The following FOXE1 variants were observed in gnomAD, a reference collection of about 807,000 sequenced individuals.
The protein encoded by FOXE1 is forkhead box E1, also known as forkhead box protein E1.
FOXE1 carries 4 observed loss-of-function variants against 2.1 expected under a neutral mutation model. The ratio of observed to expected loss-of-function variants is 1.91; its 90% CI spans 0.94 to 4.37. FOXE1 has a LOEUF of 4.37. Ranked by LOEUF, FOXE1 falls within the 30% of genes most tolerant of loss-of-function variation. The pLI is 0.01. For missense variants in FOXE1, 574 were observed against 583.3 expected, an observed-to-expected ratio of 0.98 and a Z score of 0.16; for synonymous variants, 277 against 272.4, an observed-to-expected ratio of 1.02 and a Z score of -0.17.
At position 97,853,862 on chromosome 9, in the gene FOXE1, G is replaced by A; in HGVS notation, c.-53G>A. On this transcript the variant is annotated 5_prime_UTR_variant, in exon 1 of 1. Coordinates refer to ENST00000375123, the MANE Select transcript of FOXE1 (RefSeq NM_004473.4). ...TTCCGGGGACGCCAGGCCCGCCCCC[G>A]CCCCCCGACAGCCGCGGGGATCCAG... The A allele has an allele frequency of 8.1e-7, 1 of 1,234,330 alleles. No individual in the cohort carries two copies. The highest frequency in any genetic ancestry group is 1.0e-6 in the Non-Finnish European group (1 of 989,056). 76.5% of individuals were successfully genotyped at this position (1,234,330 alleles called of 1,614,324 possible).
chr9:97,853,880 G>T lies in FOXE1; in HGVS notation c.-35G>T. ...CGCCCCCGCCCCCCGACAGCCGCGGGGATCCAGAGCCCGGGGGTGCGGGAC... is the reference window on the plus strand; with the variant it reads ...CGCCCCCGCCCCCCGACAGCCGCGGTGATCCAGAGCCCGGGGGTGCGGGAC... On this transcript the variant is annotated 5_prime_UTR_variant, in exon 1 of 1. Transcript: ENST00000375123. The T allele has an allele frequency of 2.4e-6, 3 of 1,256,156 alleles. No homozygotes were observed. The highest frequency in any genetic ancestry group is 3.0e-6 in the Non-Finnish European group (3 of 1,005,208). 77.8% of individuals were successfully genotyped at this position (1,256,156 alleles called of 1,614,324 possible). A position where few individuals can be genotyped will look rare whatever the true frequency, so the allele number is the denominator to read the frequency against.
In FOXE1 at chr9:97,854,720, C is replaced by T; in HGVS notation, c.806C>T (p.Ala269Val). 1 of 1,412,880 alleles carries T rather than the reference C, an allele frequency of 7.1e-7. No individual in the cohort carries two copies. Among genetic ancestry groups the T allele is most frequent in the Non-Finnish European group, 9.1e-7 (1 of 1,095,458 alleles). 87.5% of individuals were successfully genotyped at this position (1,412,880 alleles called of 1,614,324 possible). The stretch of plus-strand genomic sequence containing the variant: ...TACCAGCCCGCAGGCTGCACCGGGG[C>T]CCGGCCGGCCAACCCCTCCGCCTAT... ...TGYQPAGCTG[A>V]RPANPSAYAA... is the part of the protein sequence containing the mutation. Residue 269 changes from alanine to valine, a missense_variant, in exon 1 of 1, where the codon GCC becomes GTC. By Grantham distance (64) the Ala-to-Val change is moderately conservative. This residue lies in a region of FOXE1 where 316 missense variants were observed against 288.4 expected (regional missense o/e 1.10). Coordinates refer to ENST00000375123, the MANE Select transcript of FOXE1 (RefSeq NM_004473.4).
In FOXE1 at chr9:97,854,819, G is replaced by C; in HGVS notation, c.905G>C (p.Arg302Pro). Reference protein sequence around the residue: ...AGSAIFAAAGRLAGPASPPAG... With the variant: ...AGSAIFAAAGPLAGPASPPAG... The stretch of plus-strand genomic sequence containing the variant: ...AGTGCGATCTTTGCCGCTGCTGGCC[G>C]CCTGGCGGGACCCGCTTCGCCCCCA... Residue 302 changes from arginine (R) to proline (P), a missense_variant, in exon 1 of 1, where the codon CGC becomes CCC. By Grantham distance (103) the Arg-to-Pro change is moderately radical. Around this residue, in one of 3 missense-constraint regions of FOXE1, gnomAD observed 316 missense variants for 288.4 expected, o/e 1.10. Transcript: ENST00000375123. 6.5e-7 allele frequency: 1 copy of C among 1,535,424 alleles called. No individual in the cohort carries two copies. The highest frequency in any genetic ancestry group is 2.4e-5 in the East Asian group (1 of 41,184).
Position 97,855,149 on chromosome 9 carries a change from C to A in FOXE1, c.*113C>A. The A allele has an allele frequency of 7.4e-7, 1 of 1,359,204 alleles. No homozygotes were observed. Among genetic ancestry groups the A allele is most frequent in the Non-Finnish European group, 1.0e-6 (1 of 972,360 alleles). The allele number at this position is 1,359,204 out of a possible 1,614,324, so 84.2% of individuals were successfully genotyped here. A position where few individuals can be genotyped will look rare whatever the true frequency, so the allele number is the denominator to read the frequency against. ...CAACTGGGACCCACGTGGAAAAGAC[C>A]GAGCAGGCCACAGAGGCTCGGTCTC... On this transcript the variant is annotated 3_prime_UTR_variant, in exon 1 of 1. Transcript: ENST00000375123.
At position 97,856,695 on chromosome 9, in the gene FOXE1, T is replaced by A. The variant is rs554349003; in HGVS notation, c.*1659T>A. ...AATTTTAAATATTCTAGTAGCCACA[T>A]TAATAAAGTAAAAAGAAACAGGTGA... On this transcript the variant is annotated 3_prime_UTR_variant, in exon 1 of 1. Transcript: ENST00000375123. The A allele has an allele frequency of 1.2e-5, 2 of 166,126 alleles. No individual in the cohort carries two copies. The highest frequency in any genetic ancestry group is 2.9e-5 in the Non-Finnish European group (2 of 68,106). The allele number at this position is 166,126 out of a possible 1,614,324, so 10.3% of individuals were successfully genotyped here.
chr9:97,853,731 A>T lies in FOXE1; in HGVS notation c.-184A>T. The T allele has an allele frequency of 2.3e-6, 1 of 430,526 alleles. No homozygotes were observed. Among genetic ancestry groups the T allele is most frequent in the Non-Finnish European group, 3.8e-6 (1 of 264,212 alleles). 26.7% of individuals were successfully genotyped at this position (430,526 alleles called of 1,614,324 possible). On this transcript the variant is annotated 5_prime_UTR_variant, in exon 1 of 1. Coordinates refer to ENST00000375123, the MANE Select transcript of FOXE1 (RefSeq NM_004473.4). ...CCTCTGTCTGCACCGCGCCAGCCCC[A>T]GACCACGGACGCTGAGCCTCCAGCG...
At position 97,854,747 on chromosome 9, in the gene FOXE1, C is replaced by T. The variant is rs1369368312; in HGVS notation, c.833C>T (p.Ala278Val). The T allele has an allele frequency of 2.0e-6, 3 of 1,473,036 alleles. No individual in the cohort carries two copies. The highest frequency in any genetic ancestry group is 2.4e-5 in the Admixed American group (1 of 41,060). The allele number at this position is 1,473,036 out of a possible 1,614,324, so 91.2% of individuals were successfully genotyped here. ...CGGCCGGCCAACCCCTCCGCCTATG[C>T]GGCTGCCTACGCGGGCCCCGACGGC... ...GARPANPSAY[A>V]AAYAGPDGAY... The change falls in exon 1 of 1, where the codon GCG becomes GTG. Residue 278 changes from alanine (A) to valine (V), a missense_variant. By Grantham distance (64) the Ala-to-Val change is moderately conservative (BLOSUM62 0). Transcript: ENST00000375123.
Position 97,854,780 on chromosome 9 carries a change from C to G in FOXE1, c.866C>G (p.Pro289Arg), listed in dbSNP as rs1324051960. ...TACGCGGGCCCCGACGGCGCGTACC[C>G]GCAGGGCGCCGGCAGTGCGATCTTT... ...AAYAGPDGAY[P>R]QGAGSAIFAA... Residue 289 changes from proline (P) to arginine (R), a missense_variant, in exon 1 of 1, where the codon CCG (proline) becomes CGG (arginine). Pro to Arg is a moderately radical substitution (Grantham distance 103). Coordinates refer to ENST00000375123, the MANE Select transcript of FOXE1 (RefSeq NM_004473.4). 5.9e-6 allele frequency: 9 copies of G among 1,515,920 alleles called. No homozygotes were observed. In the Admixed American group the frequency reaches 8.3e-5, roughly 14 times the overall value. 93.9% of individuals were successfully genotyped at this position (1,515,920 alleles called of 1,614,324 possible).
At position 97,854,185 on chromosome 9, in the gene FOXE1, C is replaced by G; in HGVS notation, c.271C>G (p.Arg91Gly). 6.2e-7 allele frequency: 1 copy of G among 1,613,068 alleles called. No homozygotes were observed. The highest frequency in any genetic ancestry group is 8.5e-7 in the Non-Finnish European group (1 of 1,179,748). Reference sequence around the variant, plus strand: ...CATCACCGAGCGCTTCCCCTTCTACCGCGACAACCCCAAAAAGTGGCAGAA... The same window carrying G: ...CATCACCGAGCGCTTCCCCTTCTACGGCGACAACCCCAAAAAGTGGCAGAA... Reference protein sequence around the residue: ...KFITERFPFYRDNPKKWQNSI... With the variant: ...KFITERFPFYGDNPKKWQNSI... Residue 91 changes from arginine (R) to glycine (G), a missense_variant, in exon 1 of 1, where the codon CGC becomes GGC. Arg to Gly is a moderately radical substitution (Grantham distance 125). Transcript: ENST00000375123.
chr9:97,854,166 C>A lies in FOXE1; in HGVS notation c.252C>A (p.Thr84=). 1.9e-6 allele frequency: 3 copies of A among 1,612,966 alleles called. No homozygotes were observed. Among genetic ancestry groups the A allele is most frequent in the Non-Finnish European group, 2.5e-6 (3 of 1,179,696 alleles). The change falls in exon 1 of 1, where the codon ACC becomes ACA. Residue 84 remains threonine, a synonymous_variant. Transcript: ENST00000375123. Reference sequence around the variant, plus strand: ...TGGGCGGCATCTACAAGTTCATCACCGAGCGCTTCCCCTTCTACCGCGACA... The same window carrying A: ...TGGGCGGCATCTACAAGTTCATCACAGAGCGCTTCCCCTTCTACCGCGACA... ...LTLGGIYKFI[T]ERFPFYRDNP...
At position 97,854,444 on chromosome 9, in the gene FOXE1, CCGCCG is replaced by C. The variant is rs1830638069; in HGVS notation, c.532_536del (p.Ala178HisfsTer50). 80 of 1,267,092 alleles carry C rather than the reference CCGCCG, an allele frequency of 6.3e-5. No homozygotes were observed. The highest frequency in any genetic ancestry group is 7.5e-5 in the Non-Finnish European group (76 of 1,008,592). The allele number at this position is 1,267,092 out of a possible 1,614,324, so 78.5% of individuals were successfully genotyped here. ...GCCGCCGCCGCCGCCGCCGCCGCCG[CCGCCG>C]CCATCTTCCCAGGCGCGGTGCCCGC... On this transcript the variant is annotated frameshift_variant, in exon 1 of 1. Transcript: ENST00000375123. LOFTEE classifies it low-confidence loss of function (END_TRUNC).
In FOXE1 at chr9:97,854,971, G is replaced by A. The variant is rs749941792; in HGVS notation, c.1057G>A (p.Ala353Thr). The A allele has an allele frequency of 1.9e-6, 3 of 1,605,204 alleles. No homozygotes were observed. In the African/African-American group the frequency reaches 4.0e-5, roughly 21 times the overall value. ...GCAGCTCGGAGGGGCCAGTGCAGGCGCCTACCATGCTCGCCATGCTGCCGC... is the reference window on the plus strand; with the variant it reads ...GCAGCTCGGAGGGGCCAGTGCAGGCACCTACCATGCTCGCCATGCTGCCGC... ...GGQLGGASAG[A>T]YHARHAAAYP... The change falls in exon 1 of 1, where the codon GCC becomes ACC. Residue 353 changes from alanine (A) to threonine (T), a missense_variant. Physicochemically the swap from Ala to Thr is moderately conservative, Grantham distance 58. This residue lies in a region of FOXE1 where 316 missense variants were observed against 288.4 expected (regional missense o/e 1.10). Coordinates refer to ENST00000375123, the MANE Select transcript of FOXE1 (RefSeq NM_004473.4).
Position 97,854,946 on chromosome 9 carries a change from G to A in FOXE1, c.1032G>A (p.Gly344=). 1 of 1,602,558 alleles carries A rather than the reference G, an allele frequency of 6.2e-7. No individual in the cohort carries two copies. The stretch of plus-strand genomic sequence containing the variant: ...TGGGAGCCTGCTACAACCCTGGCGG[G>A]CAGCTCGGAGGGGCCAGTGCAGGCG... The part of the protein sequence containing the change: ...GALGACYNPG[G]QLGGASAGAY... The change falls in exon 1 of 1, where the codon GGG becomes GGA. Residue 344 remains glycine (G), a synonymous_variant. Coordinates refer to ENST00000375123, the MANE Select transcript of FOXE1 (RefSeq NM_004473.4).
rs1830672514 is a variant in FOXE1, at chr9:97,856,549, A to AT, written c.*1519dup. The AT allele has an allele frequency of 1.2e-5, 2 of 167,150 alleles. No individual in the cohort carries two copies. The highest frequency in any genetic ancestry group is 4.1e-4 in the South Asian group (2 of 4,830). The allele number at this position is 167,150 out of a possible 1,614,324, so 10.4% of individuals were successfully genotyped here. On this transcript the variant is annotated 3_prime_UTR_variant, in exon 1 of 1. Transcript: ENST00000375123. The stretch of plus-strand genomic sequence containing the variant: ...TGTATGAAAACCATTGGTAATTTTT[A>AT]TTTTTTATTTTTGGGACTGCACTAT...
Position 97,854,877 on chromosome 9 carries a change from G to A in FOXE1, c.963G>A (p.Thr321=). 6.3e-7 allele frequency: 1 copy of A among 1,580,244 alleles called. No individual in the cohort carries two copies. The highest frequency in any genetic ancestry group is 8.5e-7 in the Non-Finnish European group (1 of 1,171,812). Residue 321 remains threonine (T), a synonymous_variant, in exon 1 of 1, where the codon ACG becomes ACA. Coordinates refer to ENST00000375123, the MANE Select transcript of FOXE1 (RefSeq NM_004473.4). ...GCAGCAGTGGCGGCGTGGAGACCAC[G>A]GTGGACTTCTACGGGCGCACGTCGC... is the stretch of plus-strand genomic sequence containing the variant. The part of the protein sequence containing the change: ...AGGSSGGVET[T]VDFYGRTSPG...
At position 97,856,587 on chromosome 9, in the gene FOXE1, GAC is replaced by G. The variant is rs1253980984; in HGVS notation, c.*1553_*1554del. ...GGGACTGCACTATCCTGTTCACGAAGACATGTGAACTTGGTTCAGTCCAAATG... is the reference window on the plus strand; with the variant it reads ...GGGACTGCACTATCCTGTTCACGAAGATGTGAACTTGGTTCAGTCCAAATG... On this transcript the variant is annotated 3_prime_UTR_variant, in exon 1 of 1. Coordinates refer to ENST00000375123, the MANE Select transcript of FOXE1 (RefSeq NM_004473.4). 8.4e-5 allele frequency: 14 copies of G among 167,186 alleles called. No homozygotes were observed. In the East Asian group the frequency reaches 2.7e-3, roughly 32 times the overall value. 10.4% of individuals were successfully genotyped at this position (167,186 alleles called of 1,614,324 possible). A position where few individuals can be genotyped will look rare whatever the true frequency, so the allele number is the denominator to read the frequency against.
Position 97,854,479 on chromosome 9 carries a change from C to T in FOXE1, c.565C>T (p.Arg189Cys). The T allele has an allele frequency of 1.6e-6, 2 of 1,229,132 alleles. No homozygotes were observed. The highest frequency in any genetic ancestry group is 4.0e-5 in the South Asian group (1 of 24,962). The allele number at this position is 1,229,132 out of a possible 1,614,324, so 76.1% of individuals were successfully genotyped here. ...CTTCCCAGGCGCGGTGCCCGCCGCG[C>T]GCCCCCCCTACCCGGGCGCCGTCTA... The part of the protein sequence containing the change: ...AIFPGAVPAA[R>C]PPYPGAVYAG... The change falls in exon 1 of 1, where the codon CGC (arginine) becomes TGC (cysteine). Residue 189 changes from arginine (R) to cysteine (C), a missense_variant. Transcript: ENST00000375123.
chr9:97,856,498 A>G lies in FOXE1; in HGVS notation c.*1462A>G, dbSNP rs1267853315. 1 of 167,048 alleles carries G rather than the reference A, an allele frequency of 6.0e-6. No homozygotes were observed. The highest frequency in any genetic ancestry group is 1.5e-5 in the Non-Finnish European group (1 of 68,112). The allele number at this position is 167,048 out of a possible 1,614,324, so 10.3% of individuals were successfully genotyped here. ...CTCTTTCTGTATAAACTTAACAGGG[A>G]AGGGCTGGGGTGTGAAAAAGAAGAT... is the stretch of plus-strand genomic sequence containing the variant. On this transcript the variant is annotated 3_prime_UTR_variant, in exon 1 of 1. Transcript: ENST00000375123.
chr9:97,853,544 A>C lies in FOXE1; in HGVS notation c.-371A>C. On this transcript the variant is annotated 5_prime_UTR_variant, in exon 1 of 1. Coordinates refer to ENST00000375123, the MANE Select transcript of FOXE1 (RefSeq NM_004473.4). ...ACCACAGACCAGCTGCAGCCACCCC[A>C]ACCCAGGGATCACTTCCGGACCCCT... 2 of 245,642 alleles carry C rather than the reference A, an allele frequency of 8.1e-6. No individual in the cohort carries two copies. The highest frequency in any genetic ancestry group is 1.6e-5 in the Non-Finnish European group (2 of 128,964). The allele number at this position is 245,642 out of a possible 1,614,324, so 15.2% of individuals were successfully genotyped here. A position where few individuals can be genotyped will look rare whatever the true frequency, so the allele number is the denominator to read the frequency against.
Sources: gnomAD v4.1 joint callset for allele counts on GRCh38, gnomAD v4.1.1 for gene constraint, gnomAD v4.1.1 regional missense constraint, MANE v1.5 for transcripts, NCBI Gene and HGNC (gene_info 2026-07-23, HGNC 2026-07-21) for gene names.